FHIT: variants seen among roughly 807,000 people sequenced by gnomAD.
FHIT encodes bis(5'-adenosyl)-triphosphatase.
FHIT carries 19 observed loss-of-function variants against 17.9 expected under a neutral mutation model. The ratio of observed to expected loss-of-function variants is 1.06; its 90% confidence interval spans 0.74 to 1.56. The LOEUF (loss-of-function observed/expected upper bound fraction) is 1.56, where lower values mean the gene tolerates loss of function less well. Ranked by LOEUF, FHIT falls within the 40% of genes most tolerant of loss-of-function variation. FHIT has a pLI of 0.00. For synonymous variants in FHIT, 81 were observed against 69.7 expected, an observed-to-expected ratio of 1.16 and a Z score of -0.81; for missense variants, 248 against 189.2, an observed-to-expected ratio of 1.31 and a Z score of -1.82.
intron 5 of FHIT, among the ~76,000 whole-genome samples, chr3:60,510,893 T>C (rs1156730104): frequency 1.3e-5 from 2 of 152,216 alleles, no homozygotes; most frequent in Non-Finnish European, 2.9e-5. Context: ...AATTCAATAG[T>C]ACATAATAGA....
intron 2 of FHIT, among the ~76,000 whole-genome samples, chr3:61,077,876 T>C (rs1349936308): frequency 6.6e-6 from 1 of 152,152 alleles, no homozygotes; most frequent in East Asian, 1.9e-4. Context: ...ATCCTGGAAA[T>C]AATTATTACA....
chr3:60,911,635 A>G (rs1553765921), intron 3 of FHIT, among the ~76,000 whole-genome samples: 1 of 152,224 alleles, frequency 6.6e-6, no homozygotes, highest in Non-Finnish European at 1.5e-5. Context: ...AAGAGAACAC[A>G]GAAGAGTCAT....
intron 7 of FHIT, among the ~76,000 whole-genome samples, chr3:59,983,619 T>C (rs879096756): frequency 6.6e-6 from 1 of 152,112 alleles, no homozygotes; most frequent in Admixed American, 6.6e-5. Flanking sequence ...CGCTGGGGTC[T>C]TAGAATGTAT....
chr3:59,926,275 A>C (rs980186044), intron 7 of FHIT, among the ~76,000 whole-genome samples: 18 of 152,214 alleles, frequency 1.2e-4, no homozygotes, highest in Non-Finnish European at 2.9e-5. Flanking sequence ...TGTTTCATTC[A>C]TGTAACACTT....
At position 61,117,818 on chromosome 3, in the gene FHIT, C is replaced by G. The variant is rs376106257; in HGVS notation, c.-163-75719G>C. Among the ~76,000 whole-genome samples, 4 of 152,218 alleles carry G rather than the reference C, an allele frequency of 2.6e-5. No homozygotes were observed. The East Asian group carries it at 5.8e-4, about 22-fold the overall frequency. On this transcript the variant is annotated intron_variant, in intron 2 of 9. Transcript: ENST00000492590. ...CTTTAGTTTTCCACTTGCTAATTGC[C>G]TATGTTCCCTTTGTCATTACCAGTG...
intron 4 of FHIT, among the ~76,000 whole-genome samples, chr3:60,635,952 G>A (rs1409462460): frequency 6.6e-6 from 1 of 152,144 alleles, no homozygotes; most frequent in Non-Finnish European, 1.5e-5. Context: ...GGCCACAGCT[G>A]AATTTGGTCT....
chr3:60,242,810 T>C (rs1173110992), intron 5 of FHIT, among the ~76,000 whole-genome samples: 1 of 152,024 alleles, frequency 6.6e-6, no homozygotes, highest in East Asian at 1.9e-4. Flanking sequence ...CAGTCCTTCT[T>C]CCTCATACAA....
chr3:60,959,774 A>G (rs1052540455), intron 3 of FHIT, among the ~76,000 whole-genome samples: 2 of 148,954 alleles, frequency 1.3e-5, no homozygotes, highest in Non-Finnish European at 3.0e-5. Flanking sequence ...CAGGTGAGCA[A>G]GATGGGAGAA....
chr3:59,791,957 C>T (rs1287740544), intron 8 of FHIT, among the ~76,000 whole-genome samples: 1 of 151,126 alleles, frequency 6.6e-6, no homozygotes, highest in Non-Finnish European at 1.5e-5. Flanking sequence ...TGTGCAGCCC[C>T]AGAATGGATT....
intron 8 of FHIT, among the ~76,000 whole-genome samples, chr3:59,804,043 C>CAT (rs1700102571): frequency 1.3e-5 from 2 of 152,210 alleles, no homozygotes. Flanking sequence ...TAGCAGTCTG[C>CAT]CATCAGGCAA....
chr3:60,226,396 C>T (rs1428173964), intron 5 of FHIT, among the ~76,000 whole-genome samples: 8 of 141,308 alleles, frequency 5.7e-5, no homozygotes, highest in South Asian at 2.4e-4. Context: ...CGCTTGAACC[C>T]GGGAGGCGGA....
At chr3:60,120,496 G>A (rs879940500) in intron 5 of FHIT, among the ~76,000 whole-genome samples, 4 of 152,170 alleles carry the variant, frequency 2.6e-5, no homozygotes, top group Admixed American at 1.3e-4. Context: ...CAATCTTCCT[G>A]CTCCAACTTG....
At chr3:60,619,276 G>A (rs2039045026) in intron 4 of FHIT, among the ~76,000 whole-genome samples, 1 of 151,970 alleles carries the variant, frequency 6.6e-6, no homozygotes, top group South Asian at 2.1e-4. Context: ...AACTAAATGT[G>A]AATAAAATGT....
intron 2 of FHIT, among the ~76,000 whole-genome samples, chr3:61,103,686 T>A (rs1027884057): frequency 1.3e-5 from 2 of 152,024 alleles, no homozygotes; most frequent in Non-Finnish European, 2.9e-5. Context: ...TGTGTGGGAG[T>A]CTATGTCTCT....
chr3:60,633,537 A>T (rs1322328184), intron 4 of FHIT, among the ~76,000 whole-genome samples: 4 of 152,218 alleles, frequency 2.6e-5, no homozygotes, highest in Non-Finnish European at 5.9e-5. Flanking sequence ...TGTACAAAAG[A>T]TGGTGTTATG....
At chr3:60,739,315 T>A (rs1231453474) in intron 4 of FHIT, among the ~76,000 whole-genome samples, 1 of 152,216 alleles carries the variant, frequency 6.6e-6, no homozygotes, top group Non-Finnish European at 1.5e-5. Flanking sequence ...ACACTTAAGC[T>A]ATCTGTGAAT....
intron 8 of FHIT, among the ~76,000 whole-genome samples, chr3:59,817,087 G>A (rs6778206): frequency 0.11 from 16,646 of 152,160 alleles, 1,015 homozygotes; most frequent in South Asian, 0.19. Context: ...AGACCCCAGC[G>A]TCTTCGTAGA....
chr3:60,431,762 C>A (rs77177472), intron 5 of FHIT, among the ~76,000 whole-genome samples: 7,061 of 152,064 alleles, frequency 0.046, 222 homozygotes, highest in Middle Eastern at 0.095. Flanking sequence ...TCAAACACCC[C>A]CTTCTGGTGA....
intron 3 of FHIT, among the ~76,000 whole-genome samples, chr3:60,966,184 C>G (rs1553783319): frequency 6.6e-6 from 1 of 152,210 alleles, no homozygotes; most frequent in Non-Finnish European, 1.5e-5. Context: ...GGTTCGAACT[C>G]AGACTGCTGT....
Sources: gnomAD v4.1 joint callset for allele counts (sites outside exome capture counted in the v4.1 genomes callset) on GRCh38, gnomAD v4.1.1 for gene constraint, MANE v1.5 for transcripts, NCBI Gene and HGNC (gene_info 2026-07-23, HGNC 2026-07-21) for gene names.